Variants in GRIN2B observed in about 807,000 individuals in gnomAD.
The protein encoded by GRIN2B is glutamate receptor ionotropic, NMDA 2B.
A neutral mutation model predicts 114.5 loss-of-function variants in GRIN2B; 5 were observed. The observed-to-expected ratio is 0.04, with a 90% CI of 0.02 to 0.09. GRIN2B has a LOEUF of 0.09. Among genes scored for constraint, GRIN2B ranks in the 10% least tolerant of loss-of-function variants. The probability of loss-of-function intolerance (pLI) is 1.00; values close to 1 mark genes in which losing one functional copy is unlikely to be tolerated. For missense variants in GRIN2B, 1,108 were observed against 1,943.5 expected, an observed-to-expected ratio of 0.57 and a Z score of 8.08; for synonymous variants, 787 against 745.1, an observed-to-expected ratio of 1.06 and a Z score of -0.92.
intron 5 of GRIN2B, among the ~76,000 whole-genome samples, chr12:13,639,900 G>A (rs1186856538): frequency 8.0e-5 from 12 of 150,212 alleles, no homozygotes; most frequent in South Asian, 6.4e-4. Flanking sequence ...CACTTCCTCC[G>A]CCTCTTACTC....
Position 13,776,730 on chromosome 12 carries a change from C to T in GRIN2B, c.412-22815G>A, listed in dbSNP as rs150116473. On this transcript the variant is annotated intron_variant, in intron 3 of 13. Coordinates refer to ENST00000609686, the MANE Select transcript of GRIN2B (RefSeq NM_000834.5). ...CGGAGACAAGAGAATAAGCAGAAAACCTTTCAGATAAAAAGATGAATATAG... is the reference window on the plus strand; with the variant it reads ...CGGAGACAAGAGAATAAGCAGAAAATCTTTCAGATAAAAAGATGAATATAG... 2.3e-3 allele frequency among the ~76,000 whole-genome samples: 351 copies of T among 151,908 alleles called. 1 individual carries two copies. Among genetic ancestry groups the T allele is most frequent in the African/African-American group, 8.2e-3 (340 of 41,418 alleles).
intron 4 of GRIN2B, among the ~76,000 whole-genome samples, chr12:13,701,530 G>GA (rs1452503915): frequency 4.2e-5 from 5 of 119,590 alleles, no homozygotes; most frequent in Admixed American, 8.3e-5. Flanking sequence ...AAAAAAAAAA[G>GA]AAAAAAAAAC....
At chr12:13,910,621 C>T (rs376101180) in intron 2 of GRIN2B, among the ~76,000 whole-genome samples, 22 of 152,316 alleles carry the variant, frequency 1.4e-4, no homozygotes, top group African/African-American at 4.6e-4. Context: ...CACCAATTCA[C>T]ATTGCTCTAA....
At chr12:13,723,930 T>G (rs570236311) in intron 4 of GRIN2B, among the ~76,000 whole-genome samples, 11 of 152,174 alleles carry the variant, frequency 7.2e-5, no homozygotes, top group African/African-American at 2.6e-4. Flanking sequence ...AGAGACTAAA[T>G]GCATAACCTT....
rs190649555 is a variant in GRIN2B at position 13,627,237 on chromosome 12, C to T, written c.1126-10580G>A. ...TCCCGGTTTATGGCTATTCTGGGGG[C>T]TCAACCACATTCCCATTGTGAGTTC... On this transcript the variant is annotated intron_variant, in intron 5 of 13. Transcript: ENST00000609686. Among the ~76,000 whole-genome samples, 28 of 152,240 alleles carry T rather than the reference C, an allele frequency of 1.8e-4. No individual in the cohort carries two copies. The East Asian group carries it at 4.6e-3, about 25-fold the overall frequency.
At chr12:13,932,986 T>TGTGTGCGC (rs61241187) in intron 2 of GRIN2B, among the ~76,000 whole-genome samples, 223 of 148,414 alleles carry the variant, frequency 1.5e-3, no homozygotes, top group Non-Finnish European at 2.6e-3. Flanking sequence ...TGTGTGTGTG[T>TGTGTGCGC]GCGTGTGCGT....
chr12:13,624,582 G>A (rs771518460), intron 5 of GRIN2B, among the ~76,000 whole-genome samples: 7 of 152,182 alleles, frequency 4.6e-5, no homozygotes, highest in Non-Finnish European at 8.8e-5. Flanking sequence ...AAGTGTGCTT[G>A]GAAATAATTT....
chr12:13,743,448 C>CA (rs1426779189), intron 4 of GRIN2B, among the ~76,000 whole-genome samples: 1 of 152,152 alleles, frequency 6.6e-6, no homozygotes, highest in Non-Finnish European at 1.5e-5. Flanking sequence ...CTCTAATATG[C>CA]ACACACATAC....
rs2268128 is a variant in GRIN2B at position 13,794,512 on chromosome 12, C to A, written c.412-40597G>T. Among the ~76,000 whole-genome samples the A allele has an allele frequency of 5.3e-4, 81 of 152,256 alleles. No individual in the cohort carries two copies. The East Asian group carries it at 7.3e-3, about 14-fold the overall frequency. On this transcript the variant is annotated intron_variant, in intron 3 of 13. Transcript: ENST00000609686. The stretch of plus-strand genomic sequence containing the variant: ...TGAACCACTCCCCACTAACCTCCCC[C>A]CCGGACCCGAAATACCCAAGAGGTC...
rs577649736 is a variant in GRIN2B, at chr12:13,562,865, T to C, written c.4373A>G (p.Asn1458Ser). ...IGNQSNPCVP[N>S]NKNPRAFNGS... ...ATTGAAAGCCCTGGGGTTTTTGTTG[T>C]TAGGCACACAGGGGTTGGACTGGTT... is the stretch of plus-strand genomic sequence containing the variant. Residue 1458 changes from asparagine to serine, a missense_variant, in exon 14 of 14, where the codon AAC (asparagine) becomes AGC (serine). This residue lies in a region of GRIN2B where 478 missense variants were observed against 506.0 expected (regional missense o/e 0.94). Transcript: ENST00000609686. The C allele has an allele frequency of 6.2e-7, 1 of 1,614,152 alleles. No individual in the cohort carries two copies. The highest frequency in any genetic ancestry group is 8.5e-7 in the Non-Finnish European group (1 of 1,179,950).
At chr12:13,792,046 G>T (rs1029237638) in intron 3 of GRIN2B, among the ~76,000 whole-genome samples, 1 of 152,166 alleles carries the variant, frequency 6.6e-6, no homozygotes, top group Non-Finnish European at 1.5e-5. Flanking sequence ...AGATGGATGA[G>T]AACACGCCAT....
At chr12:13,573,374 C>T (rs928586201) in intron 10 of GRIN2B, among the ~76,000 whole-genome samples, 3 of 149,010 alleles carry the variant, frequency 2.0e-5, no homozygotes, top group African/African-American at 7.5e-5. Context: ...TGGCATGAAC[C>T]CAGGAGGCAG....
chr12:13,952,954 T>G (rs967116613), intron 2 of GRIN2B, among the ~76,000 whole-genome samples: 2 of 151,072 alleles, frequency 1.3e-5, no homozygotes, highest in African/African-American at 4.9e-5. Flanking sequence ...GCTCACAAAT[T>G]CTGAGGGTTA....
rs1015824703 is a variant in GRIN2B, at chr12:13,555,007, G to A, written c.*7776C>T. The A allele has an allele frequency of 1.3e-5, 2 of 152,088 alleles. No homozygotes were observed. 9.4% of individuals were successfully genotyped at this position (152,088 alleles called of 1,614,324 possible). ...GTATGAAGGAAAAGCAAAAGGTAGG[G>A]GCTAAAAGTGAAGATTTGGGATTCA... On this transcript the variant is annotated 3_prime_UTR_variant, in exon 14 of 14. Coordinates refer to ENST00000609686, the MANE Select transcript of GRIN2B (RefSeq NM_000834.5).
intron 2 of GRIN2B, among the ~76,000 whole-genome samples, chr12:13,929,237 T>A (rs1866975121): frequency 6.6e-6 from 1 of 152,220 alleles, no homozygotes; most frequent in Non-Finnish European, 1.5e-5. Flanking sequence ...TGGGTTGTTA[T>A]TTTTAAGACA....
At chr12:13,760,458 C>T (rs1565527623) in intron 3 of GRIN2B, among the ~76,000 whole-genome samples, 1 of 152,168 alleles carries the variant, frequency 6.6e-6, no homozygotes, top group Non-Finnish European at 1.5e-5. Flanking sequence ...AATCTTAGTA[C>T]TGTATAATAT....
chr12:13,780,385 A>G (rs1864085774), intron 3 of GRIN2B, among the ~76,000 whole-genome samples: 1 of 152,208 alleles, frequency 6.6e-6, no homozygotes, highest in South Asian at 2.1e-4. Context: ...AAACACGTTC[A>G]TTATAATTTA....
intron 10 of GRIN2B, among the ~76,000 whole-genome samples, chr12:13,574,480 C>G (rs1350992329): frequency 6.6e-6 from 1 of 152,158 alleles, no homozygotes; most frequent in Admixed American, 6.5e-5. Context: ...TCTGAAACAT[C>G]AGTGAAAATT....
intron 5 of GRIN2B, among the ~76,000 whole-genome samples, chr12:13,646,271 C>A (rs1949760959): frequency 6.6e-6 from 1 of 152,294 alleles, no homozygotes; most frequent in South Asian, 2.1e-4. Flanking sequence ...TTACCCATTT[C>A]TCTTCCTCCA....
Sources: allele counts gnomAD v4.1 joint callset (sites outside exome capture counted in the v4.1 genomes callset), GRCh38; gene constraint gnomAD v4.1.1; regional missense constraint gnomAD v4.1.1; transcripts MANE v1.5; gene names NCBI Gene and HGNC (gene_info 2026-07-23, HGNC 2026-07-21).